The following PPP1R14C variants were observed in gnomAD, a reference collection of about 807,000 sequenced individuals.
PPP1R14C encodes protein phosphatase 1 regulatory inhibitor subunit 14C.
A neutral mutation model predicts 20.4 loss-of-function variants in PPP1R14C; 16 were observed. The ratio of observed to expected loss-of-function variants is 0.78; its 90% CI spans 0.53 to 1.19. The LOEUF is 1.19. Among genes scored for constraint, PPP1R14C ranks in the 50% most tolerant of loss-of-function variants. PPP1R14C has a pLI of 0.00. For missense variants in PPP1R14C, 211 were observed against 220.1 expected (o/e 0.96, Z 0.26); for synonymous variants, 91 against 91.0 (o/e 1.00, Z 0.00).
intron 3 of PPP1R14C, among the ~76,000 whole-genome samples, chr6:150,228,514 T>C (rs1255356220): frequency 6.6e-6 from 1 of 152,182 alleles, no homozygotes; most frequent in East Asian, 1.9e-4. Context: ...GCAGGAAGTA[T>C]TGGCAATCTG....
intron 1 of PPP1R14C, among the ~76,000 whole-genome samples, chr6:150,190,704 G>A (rs955679504): frequency 6.6e-5 from 10 of 151,990 alleles, no homozygotes; most frequent in African/African-American, 2.2e-4. Context: ...GGATTACTGC[G>A]GTGAGCCACC....
At chr6:150,155,459 G>A (rs1412450628) in intron 1 of PPP1R14C, among the ~76,000 whole-genome samples, 5 of 152,078 alleles carry the variant, frequency 3.3e-5, no homozygotes, top group Admixed American at 6.6e-5. Flanking sequence ...AGAAAACGGG[G>A]AGGCTCCAAG....
chr6:150,151,116 G>A (rs1418711905), intron 1 of PPP1R14C, among the ~76,000 whole-genome samples: 1 of 151,250 alleles, frequency 6.6e-6, no homozygotes, highest in Non-Finnish European at 1.5e-5. Flanking sequence ...TTTAATTGCT[G>A]TCCATATGCG....
At chr6:150,194,869 C>A in intron 1 of PPP1R14C, 2 of 985,170 alleles carry the variant, frequency 2.0e-6, no homozygotes, top group Non-Finnish European at 2.4e-6. Flanking sequence ...ATGTTGAATA[C>A]AATTATTGAC....
chr6:150,209,968 CAT>C (rs1172188341), intron 1 of PPP1R14C, among the ~76,000 whole-genome samples: 1 of 149,916 alleles, frequency 6.7e-6, no homozygotes, highest in Non-Finnish European at 1.5e-5. Context: ...TGTGTGTATT[CAT>C]GTGTGTGTAT....
rs1452722555 is a variant in PPP1R14C at position 150,143,545 on chromosome 6, C to T, written c.306+47C>T. 3.1e-5 allele frequency: 41 copies of T among 1,320,474 alleles called. No homozygotes were observed. Among genetic ancestry groups the T allele is most frequent in the Non-Finnish European group, 4.3e-5 (41 of 958,012 alleles). 81.8% of individuals were successfully genotyped at this position (1,320,474 alleles called of 1,614,324 possible). A position where few individuals can be genotyped will look rare whatever the true frequency, so the allele number is the denominator to read the frequency against. On this transcript the variant is annotated intron_variant, in intron 1 of 3. Transcript: ENST00000361131. The surrounding 1 kb of genome is among the most constrained non-coding windows in gnomAD (Gnocchi z 5.6). ...AGGGTCGGGGACCTCTCTAGCTCCTCTGTGCCCGCGCAGTAATTTTCCCGG... is the reference window on the plus strand; with the variant it reads ...AGGGTCGGGGACCTCTCTAGCTCCTTTGTGCCCGCGCAGTAATTTTCCCGG...
At chr6:150,246,343 T>C (rs1206591855) in intron 3 of PPP1R14C, among the ~76,000 whole-genome samples, 1 of 152,248 alleles carries the variant, frequency 6.6e-6, no homozygotes, top group East Asian at 1.9e-4. Flanking sequence ...CTGAAACTTT[T>C]TGTAGTAGTC....
intron 1 of PPP1R14C, among the ~76,000 whole-genome samples, chr6:150,203,980 T>C (rs577265130): frequency 3.3e-5 from 5 of 152,352 alleles, no homozygotes; most frequent in African/African-American, 1.2e-4. Flanking sequence ...CCATTGCCTG[T>C]AGCCCAGGAC....
Position 150,175,595 on chromosome 6 carries a change from T to C in PPP1R14C, c.306+32097T>C, listed in dbSNP as rs146806653. Among the ~76,000 whole-genome samples the C allele has an allele frequency of 4.6e-5, 7 of 152,314 alleles. No homozygotes were observed. In the East Asian group the frequency reaches 1.3e-3, roughly 29 times the overall value. Reference sequence around the variant, plus strand: ...TGAGCATGGGGCTGGTGAGGGCATTTCCAAATGCAAGGAAGTTACTTTGAC... The same window carrying C: ...TGAGCATGGGGCTGGTGAGGGCATTCCCAAATGCAAGGAAGTTACTTTGAC... On this transcript the variant is annotated intron_variant, in intron 1 of 3. Coordinates refer to ENST00000361131, the MANE Select transcript of PPP1R14C (RefSeq NM_030949.3).
At chr6:150,200,674 C>A (rs773648771) in intron 1 of PPP1R14C, among the ~76,000 whole-genome samples, 3 of 152,230 alleles carry the variant, frequency 2.0e-5, no homozygotes, top group Non-Finnish European at 4.4e-5. Flanking sequence ...ATATCCCCTA[C>A]ATTTGTAACA....
intron 1 of PPP1R14C, among the ~76,000 whole-genome samples, chr6:150,158,289 G>A (rs920763098): frequency 2.2e-4 from 33 of 152,040 alleles, no homozygotes. Context: ...CCCAATGGGG[G>A]GCAGAGGCTT....
chr6:150,175,604 A>G (rs546806094), intron 1 of PPP1R14C, among the ~76,000 whole-genome samples: 3 of 152,332 alleles, frequency 2.0e-5, no homozygotes, highest in African/African-American at 7.2e-5. Context: ...TTCCAAATGC[A>G]AGGAAGTTAC....
intron 1 of PPP1R14C, among the ~76,000 whole-genome samples, chr6:150,162,808 C>T (rs1273908657): frequency 6.6e-6 from 1 of 152,184 alleles, no homozygotes; most frequent in Admixed American, 6.5e-5. Context: ...ATCAGAATGG[C>T]TTCAGCTCAC....
chr6:150,187,546 A>G (rs1777692743), intron 1 of PPP1R14C, among the ~76,000 whole-genome samples: 1 of 151,860 alleles, frequency 6.6e-6, no homozygotes, highest in South Asian at 2.1e-4. Flanking sequence ...AATGTGTGGT[A>G]TTTGGTTTTC....
chr6:150,180,164 T>C (rs148264510), intron 1 of PPP1R14C, among the ~76,000 whole-genome samples: 3,506 of 152,298 alleles, frequency 0.023, 60 homozygotes, highest in Middle Eastern at 0.044. Flanking sequence ...ATTGTGCCAC[T>C]GCACCCCAGC....
intron 1 of PPP1R14C, among the ~76,000 whole-genome samples, chr6:150,172,707 A>G (rs1443910238): frequency 1.3e-5 from 2 of 152,170 alleles, no homozygotes; most frequent in East Asian, 1.9e-4. Flanking sequence ...TGGTGGGCAG[A>G]GTTGCTGAAA....
rs181117171 is a variant in PPP1R14C, at chr6:150,185,050, A to C, written c.307-29694A>C. On this transcript the variant is annotated intron_variant, in intron 1 of 3. Transcript: ENST00000361131. The surrounding 1 kb of genome is among the most constrained non-coding windows in gnomAD (Gnocchi z 4.1). ...TCTGTTGTTGGCTCCTGGCTATCAC[A>C]TTTAGTTACAGGTCTTTCCCCCTTT... 6.6e-6 allele frequency among the ~76,000 whole-genome samples: 1 copy of C among 152,178 alleles called. No individual in the cohort carries two copies. The highest frequency in any genetic ancestry group is 1.5e-5 in the Non-Finnish European group (1 of 68,036).
At chr6:150,145,496 G>C (rs577190407) in intron 1 of PPP1R14C, among the ~76,000 whole-genome samples, 24 of 152,184 alleles carry the variant, frequency 1.6e-4, no homozygotes, top group Admixed American at 1.0e-3. Flanking sequence ...TCACTATGCT[G>C]GTGGTGTACC....
At chr6:150,154,686 A>T (rs1777287288) in intron 1 of PPP1R14C, among the ~76,000 whole-genome samples, 1 of 152,206 alleles carries the variant, frequency 6.6e-6, no homozygotes, top group Admixed American at 6.5e-5. Context: ...TGCAGAGCTA[A>T]TTTCCTGTAG....
Sources: allele counts gnomAD v4.1 joint callset (sites outside exome capture counted in the v4.1 genomes callset), GRCh38; gene constraint gnomAD v4.1.1; non-coding constraint Gnocchi (gnomAD v3.1); transcripts MANE v1.5; gene names NCBI Gene and HGNC (gene_info 2026-07-23, HGNC 2026-07-21).